The following RNF220 variants were observed in gnomAD, a reference collection of about 807,000 sequenced individuals.
The protein encoded by RNF220 is E3 ubiquitin-protein ligase RNF220.
In RNF220, 7 loss-of-function variants were observed where a neutral mutation model predicts 67.1. The ratio of observed to expected loss-of-function variants is 0.10; its 90% CI spans 0.06 to 0.20. The LOEUF (loss-of-function observed/expected upper bound fraction) is 0.20. Ranked by LOEUF, RNF220 falls within the 10% of genes least tolerant of loss-of-function variation. The pLI is 1.00. For synonymous variants in RNF220, 270 were observed against 283.2 expected (o/e 0.95, Z 0.47); for missense variants, 565 against 740.3 (o/e 0.76, Z 2.75).
In RNF220 at chr1:44,596,376, A is replaced by G. The variant is rs1352712446; in HGVS notation, c.626-17789A>G. Among the ~76,000 whole-genome samples the G allele has an allele frequency of 1.6e-4, 25 of 152,070 alleles. 1 individual carries two copies. The highest frequency in any genetic ancestry group is 1.6e-3 in the Admixed American group (24 of 15,280). On this transcript the variant is annotated intron_variant, in intron 2 of 14. Transcript: ENST00000361799. ...CAGGAGTCAGAGACCAGCCTGGCCA[A>G]TATGGTGAAACCCTGTCTCTACTAA...
chr1:44,408,382 G>A (rs1395765838), intron 1 of RNF220, among the ~76,000 whole-genome samples: 1 of 152,198 alleles, frequency 6.6e-6, no homozygotes, highest in Non-Finnish European at 1.5e-5. Context: ...CCCGGGAACT[G>A]TGTTAGCCTT....
chr1:44,581,510 G>T (rs191091337), intron 2 of RNF220, among the ~76,000 whole-genome samples: 2 of 152,310 alleles, frequency 1.3e-5, no homozygotes, highest in Admixed American at 1.3e-4. Flanking sequence ...CAGAAAAAAT[G>T]AAACCTCTGG....
chr1:44,552,810 C>T (rs1358592156), intron 2 of RNF220, among the ~76,000 whole-genome samples: 1 of 151,908 alleles, frequency 6.6e-6, no homozygotes, highest in African/African-American at 2.4e-5. Flanking sequence ...ACCTCGTGAT[C>T]CGCCCGCCTT....
Position 44,636,073 on chromosome 1 carries a change from A to G in RNF220, c.1037A>G (p.Glu346Gly). ...GCTGAGGATGATGCTGTGGACATCGAGCATGAGAACAACAACCGCTTTGAG... is the reference window on the plus strand; with the variant it reads ...GCTGAGGATGATGCTGTGGACATCGGGCATGAGAACAACAACCGCTTTGAG... The part of the protein sequence containing the change: ...CMAEDDAVDI[E>G]HENNNRFEEY... The change falls in exon 8 of 15, where the codon GAG becomes GGG. Residue 346 changes from glutamate to glycine, a missense_variant. Transcript: ENST00000361799. 1.2e-6 allele frequency: 2 copies of G among 1,614,228 alleles called. No individual in the cohort carries two copies. Among genetic ancestry groups the G allele is most frequent in the Non-Finnish European group, 8.5e-7 (1 of 1,180,038 alleles).
At chr1:44,561,314 A>G (rs531825838) in intron 2 of RNF220, among the ~76,000 whole-genome samples, 2 of 152,094 alleles carry the variant, frequency 1.3e-5, no homozygotes, top group Non-Finnish European at 2.9e-5. Flanking sequence ...GTTCAAGACT[A>G]GCCTGGCCAA....
intron 2 of RNF220, among the ~76,000 whole-genome samples, chr1:44,498,699 TATC>T (rs1478162193): frequency 6.6e-6 from 1 of 152,110 alleles, no homozygotes; most frequent in Non-Finnish European, 1.5e-5. Flanking sequence ...TCAAACTTAC[TATC>T]ATCAAGTCTT....
intron 8 of RNF220, among the ~76,000 whole-genome samples, chr1:44,642,175 T>C (rs964096312): frequency 2.8e-4 from 43 of 152,204 alleles, no homozygotes; most frequent in Admixed American, 6.5e-5. Context: ...TAGGTGGTAA[T>C]AAATATGATT....
intron 2 of RNF220, among the ~76,000 whole-genome samples, chr1:44,495,204 C>T (rs909833905): frequency 1.3e-5 from 2 of 151,326 alleles, no homozygotes; most frequent in African/African-American, 4.9e-5. Flanking sequence ...CAGAGTGAGA[C>T]CCTGTCTCAA....
At chr1:44,553,012 C>T (rs1320758357) in intron 2 of RNF220, among the ~76,000 whole-genome samples, 1 of 152,160 alleles carries the variant, frequency 6.6e-6, no homozygotes, top group Non-Finnish European at 1.5e-5. Context: ...CACTGTGTTC[C>T]AGCTCCTCTC....
intron 2 of RNF220, among the ~76,000 whole-genome samples, chr1:44,466,279 G>A (rs995242708): frequency 2.0e-5 from 3 of 152,114 alleles, no homozygotes; most frequent in South Asian, 2.1e-4. Context: ...ATTCAACTAC[G>A]TCTTCAGGCT....
chr1:44,559,509 G>A (rs909073983), intron 2 of RNF220, among the ~76,000 whole-genome samples: 3 of 152,280 alleles, frequency 2.0e-5, no homozygotes, highest in Non-Finnish European at 4.4e-5. Flanking sequence ...GATATATAGA[G>A]ATGAGAAGGA....
chr1:44,435,235 A>G (rs1650844995), intron 2 of RNF220, among the ~76,000 whole-genome samples: 1 of 152,212 alleles, frequency 6.6e-6, no homozygotes, highest in South Asian at 2.1e-4. Flanking sequence ...TTGGAGAGCA[A>G]CAAATTGGGC....
chr1:44,607,732 G>C (rs200812006), intron 2 of RNF220, among the ~76,000 whole-genome samples: 32 of 151,692 alleles, frequency 2.1e-4, no homozygotes, highest in African/African-American at 7.5e-4. Context: ...CTCGTGATCC[G>C]CCCGCCTCGG....
chr1:44,486,128 C>T (rs1656276887), intron 2 of RNF220, among the ~76,000 whole-genome samples: 1 of 152,174 alleles, frequency 6.6e-6, no homozygotes, highest in Non-Finnish European at 1.5e-5. Context: ...GGAACAGTCT[C>T]CCAGACCGTC....
chr1:44,636,051 G>A lies in RNF220; in HGVS notation c.1015G>A (p.Glu339Lys). The A allele has an allele frequency of 6.2e-7, 1 of 1,614,264 alleles. No individual in the cohort carries two copies. Among genetic ancestry groups the A allele is most frequent in the Non-Finnish European group, 8.5e-7 (1 of 1,180,040 alleles). ...ACAGAGGGAAGGCTCCTGCATGGCT[G>A]AGGATGATGCTGTGGACATCGAGCA... ...EGQREGSCMA[E>K]DDAVDIEHEN... is the part of the protein sequence containing the mutation. Residue 339 changes from glutamate (E) to lysine (K), a missense_variant, in exon 8 of 15, where the codon GAG (glutamate) becomes AAG (lysine). Transcript: ENST00000361799.
intron 5 of RNF220, among the ~76,000 whole-genome samples, chr1:44,629,932 A>G (rs1644067729): frequency 6.6e-6 from 1 of 152,244 alleles, no homozygotes; most frequent in Admixed American, 6.5e-5. Flanking sequence ...GTTAGAAAGT[A>G]GAATGCAAGG....
chr1:44,640,503 G>A (rs957043306), intron 8 of RNF220, among the ~76,000 whole-genome samples: 14 of 152,230 alleles, frequency 9.2e-5, no homozygotes, highest in African/African-American at 3.1e-4. Flanking sequence ...TGTTAAGCTA[G>A]GACAGAGGGA....
At chr1:44,594,755 GA>G (rs1196645432) in intron 2 of RNF220, among the ~76,000 whole-genome samples, 2 of 152,182 alleles carry the variant, frequency 1.3e-5, no homozygotes, top group Admixed American at 6.5e-5. Flanking sequence ...TTAATTTGGG[GA>G]ATTTGGATTG....
intron 2 of RNF220, among the ~76,000 whole-genome samples, chr1:44,588,139 G>A (rs1205198902): frequency 1.3e-5 from 2 of 152,224 alleles, no homozygotes; most frequent in Non-Finnish European, 2.9e-5. Context: ...GGGTAGAGCT[G>A]GGCAAGAGAA....
Sources: allele counts gnomAD v4.1 joint callset (sites outside exome capture counted in the v4.1 genomes callset), GRCh38; gene constraint gnomAD v4.1.1; transcripts MANE v1.5; gene names NCBI Gene and HGNC (gene_info 2026-07-23, HGNC 2026-07-21).